NOP9: variants seen among roughly 807,000 people sequenced by gnomAD.
NOP9 encodes nucleolar protein 9.
Under a neutral mutation model 63.0 loss-of-function variants are expected in NOP9, and 50 were observed. The ratio of observed to expected loss-of-function variants is 0.79; its 90% CI spans 0.63 to 1.00. The LOEUF is 1.00. NOP9 is among the 50% of genes least tolerant of loss of function. NOP9 has a pLI of 0.00. For synonymous variants in NOP9, 343 were observed against 332.8 expected, an observed-to-expected ratio of 1.03 and a Z score of -0.33; for missense variants, 758 against 803.0, an observed-to-expected ratio of 0.94 and a Z score of 0.68.
intron 1 of NOP9, 81 bp downstream of exon 1, chr14:24,300,282 G>T (rs2139113505): frequency 6.3e-7 from 1 of 1,578,890 alleles, no homozygotes; most frequent in Non-Finnish European, 8.6e-7. Flanking sequence ...GGCAGGGCGT[G>T]GGGACTTAGT....
At chr14:24,304,738 G>C in intron 9 of NOP9, 140 bp downstream of exon 9, 1 of 898,256 alleles carries the variant, frequency 1.1e-6, no homozygotes, top group Non-Finnish European at 1.7e-6. Flanking sequence ...TTAGCAGTCT[G>C]CTTTCCCCTT....
At chr14:24,303,878 A>T (rs1393066687) in intron 7 of NOP9, 21 bp downstream of exon 7, 1 of 1,611,894 alleles carries the variant, frequency 6.2e-7, no homozygotes, top group Non-Finnish European at 8.5e-7. Context: ...GGAGAGGCCA[A>T]GCCAGTGACT....
intron 2 of NOP9, 81 bp downstream of exon 2, chr14:24,300,938 A>T: frequency 8.6e-7 from 1 of 1,160,460 alleles, no homozygotes. Flanking sequence ...CAGAAGAGTA[A>T]GTCTTCATGG....
the NOP9 span, among the ~76,000 whole-genome samples, chr14:24,285,478 A>G: frequency 6.6e-6 from 1 of 152,086 alleles, no homozygotes; most frequent in Non-Finnish European, 1.5e-5. Context: ...CCTCTGCTGG[A>G]GAGAGAGGCC....
the NOP9 span, among the ~76,000 whole-genome samples, chr14:24,284,752 C>T: frequency 6.6e-6 from 1 of 152,130 alleles, no homozygotes; most frequent in Non-Finnish European, 1.5e-5. Context: ...GGGCCAAGGC[C>T]TTTGGCGGTC....
At chr14:24,292,856 C>T in the NOP9 span, 1 of 1,517,306 alleles carries the variant, frequency 6.6e-7, no homozygotes, top group African/African-American at 1.4e-5. Flanking sequence ...CCTCTGGCGG[C>T]TTCCCCTGCC....
rs2041571892 is a variant in NOP9 at position 24,307,940 on chromosome 14, T to TA, written c.*2846dup. ...CTGGGGCTTTAGTGGTGTTTTCTGT[T>TA]ACAAACCTGGGATCTCAGCCCAGGA... On this transcript the variant is annotated 3_prime_UTR_variant, in exon 10 of 10. Transcript: ENST00000267425. 7.8e-7 allele frequency: 1 copy of TA among 1,288,984 alleles called. No homozygotes were observed. Among genetic ancestry groups the TA allele is most frequent in the South Asian group, 1.3e-5 (1 of 78,578 alleles). The allele number at this position is 1,288,984 out of a possible 1,614,324, so 79.8% of individuals were successfully genotyped here.
At chr14:24,282,259 T>C in the NOP9 span, among the ~76,000 whole-genome samples, 2 of 152,100 alleles carry the variant, frequency 1.3e-5, no homozygotes, top group South Asian at 2.1e-4. Flanking sequence ...GCTCACACTT[T>C]TATGCAGAGT....
the NOP9 span, among the ~76,000 whole-genome samples, chr14:24,284,588 A>G: frequency 6.6e-6 from 1 of 151,162 alleles, no homozygotes; most frequent in Non-Finnish European, 1.5e-5. Flanking sequence ...CAGGGACTGG[A>G]GGTGATGGGG....
intron 6 of NOP9, 149 bp from the exon 7 acceptor site, chr14:24,303,583 G>A: frequency 1.3e-6 from 1 of 760,024 alleles, no homozygotes; most frequent in Non-Finnish European, 2.2e-6. Context: ...GATAGAGGCT[G>A]GGGATACAGC....
chr14:24,303,265 C>T, intron 6 of NOP9, 51 bp downstream of exon 6: 1 of 1,606,350 alleles, frequency 6.2e-7, no homozygotes, highest in Non-Finnish European at 8.5e-7. Flanking sequence ...CAACTTCTAC[C>T]TTTTAGGACT....
intron 9 of NOP9, 65 bp from the exon 10 acceptor site, chr14:24,304,873 C>T: frequency 6.8e-7 from 1 of 1,471,064 alleles, no homozygotes; most frequent in South Asian, 1.4e-5. Context: ...ATGGAGGGAT[C>T]TTTACGTCAA....
Position 24,301,687 on chromosome 14 carries a change from A to G in NOP9, c.773A>G (p.Gln258Arg), listed in dbSNP as rs1308894939. The G allele has an allele frequency of 1.2e-6, 2 of 1,614,104 alleles. No homozygotes were observed. Among genetic ancestry groups the G allele is most frequent in the Admixed American group, 3.3e-5 (2 of 59,994 alleles). The change falls in exon 3 of 10, where the codon CAG becomes CGG. Residue 258 changes from glutamine to arginine, a missense_variant. Transcript: ENST00000267425. ...EVPETFLNRL[Q>R]DLSSSFLKDI... is the part of the protein sequence containing the mutation. ...CCTGAAACCTTTTTGAATCGCCTTC[A>G]GGACCTGAGCTCCTCCTTTCTGAAG...
At chr14:24,277,705 C>T in the NOP9 span, among the ~76,000 whole-genome samples, 3 of 152,206 alleles carry the variant, frequency 2.0e-5, no homozygotes, top group South Asian at 2.1e-4. Flanking sequence ...TGCTGGCTTT[C>T]CCTCCAGCCT....
upstream of NOP9, chr14:24,298,972 G>A (rs1433868391): frequency 6.2e-7 from 1 of 1,611,670 alleles, no homozygotes; most frequent in Non-Finnish European, 8.5e-7. Context: ...GAGCAACAAC[G>A]CGAAGGGTGT....
chr14:24,292,435 A>T, the NOP9 span: 1 of 1,526,692 alleles, frequency 6.6e-7, no homozygotes, highest in Non-Finnish European at 8.9e-7. Flanking sequence ...TGTCCTTCCC[A>T]GGAGCCCCAA....
At chr14:24,299,303 CTGA>C, upstream of NOP9, 3 of 588,100 alleles carry the variant, frequency 5.1e-6, no homozygotes, top group South Asian at 4.6e-5. Context: ...GAGGACAAGG[CTGA>C]CTGTCTTTTG....
Position 24,300,182 on chromosome 14 carries a change from C to T in NOP9, c.228C>T (p.Pro76=), listed in dbSNP as rs201249356. 3.3e-5 allele frequency: 54 copies of T among 1,614,036 alleles called. No homozygotes were observed. Among genetic ancestry groups the T allele is most frequent in the Non-Finnish European group, 4.2e-5 (50 of 1,179,940 alleles). The change falls in exon 1 of 10, where the codon CCC becomes CCT. Residue 76 remains proline, a synonymous_variant. Coordinates refer to ENST00000267425, the MANE Select transcript of NOP9 (RefSeq NM_174913.3). ...RRALSALKEA[P]ETGEERDLMV... ...CGCTGTCAGCATTGAAAGAGGCTCC[C>T]GAGACTGGGGAAGAACGAGGTAGGC...
chr14:24,300,512 C>G lies in NOP9; in HGVS notation c.352C>G (p.Pro118Ala). ...GCTGCAGGAACTGTTGGGATTCAGT[C>G]CCTTGAAACCGCTTTGTCGCGTGTG... ...EMLQELLGFSPLKPLCRVWAA... is the reference protein window; with the variant it reads ...EMLQELLGFSALKPLCRVWAA... Residue 118 changes from proline (P) to alanine (A), a missense_variant, in exon 2 of 10, where the codon CCC becomes GCC. Physicochemically the swap from Pro to Ala is conservative, Grantham distance 27 (BLOSUM62 -1). Transcript: ENST00000267425. 6.2e-7 allele frequency: 1 copy of G among 1,614,238 alleles called. No individual in the cohort carries two copies. The highest frequency in any genetic ancestry group is 8.5e-7 in the Non-Finnish European group (1 of 1,180,036).
Sources: allele counts gnomAD v4.1 joint callset (sites outside exome capture counted in the v4.1 genomes callset), GRCh38; gene constraint gnomAD v4.1.1; transcripts MANE v1.5; gene names NCBI Gene and HGNC (gene_info 2026-07-23, HGNC 2026-07-21).